The following FRMPD4 variants were observed in gnomAD, a reference collection of about 807,000 sequenced individuals.
The protein encoded by FRMPD4 is FERM and PDZ domain-containing protein 4.
A neutral mutation model predicts 94.1 loss-of-function variants in FRMPD4; 22 were observed. The observed-to-expected ratio is 0.23, with a 90% CI of 0.17 to 0.33. The LOEUF (loss-of-function observed/expected upper bound fraction) is 0.33. Ranked by LOEUF, FRMPD4 falls within the 10% of genes least tolerant of loss-of-function variation. The pLI is 1.00. For missense variants in FRMPD4, 1,111 were observed against 1,339.9 expected (o/e 0.83, Z 2.67); for synonymous variants, 631 against 548.6 (o/e 1.15, Z -2.10).
At chrX:12,165,271 C>T (rs770163264) in intron 1 of FRMPD4, among the ~76,000 whole-genome samples, 1,813 of 111,879 alleles carry the variant, frequency 0.016, 41 homozygotes, top group African/African-American at 0.054. Context: ...TACATATGGC[C>T]AGCCAGTTTT....
chrX:12,641,520 C>T (rs1176268800), intron 4 of FRMPD4, among the ~76,000 whole-genome samples: 5 of 111,800 alleles, frequency 4.5e-5, no homozygotes, highest in African/African-American at 1.3e-4. Context: ...TGGTGGTTTA[C>T]TTTTCTTGCT....
chrX:12,443,406 TG>T (rs903002263), intron 1 of FRMPD4, among the ~76,000 whole-genome samples: 2 of 112,511 alleles, frequency 1.8e-5, no homozygotes, highest in East Asian at 2.8e-4. Context: ...ATATAAGCAA[TG>T]TTTTTTTAAA....
intron 2 of FRMPD4, among the ~76,000 whole-genome samples, chrX:12,570,791 A>G (rs1227492728): frequency 9.0e-6 from 1 of 111,212 alleles, no homozygotes; most frequent in Admixed American, 9.6e-5. Flanking sequence ...TAAGCGACTT[A>G]GGGGCAGGGA....
At chrX:12,499,488 A>G (rs923824081) in intron 2 of FRMPD4, among the ~76,000 whole-genome samples, 1 of 112,223 alleles carries the variant, frequency 8.9e-6, no homozygotes, top group Admixed American at 9.4e-5. Flanking sequence ...ATGATACCCG[A>G]AAGAATCTTT....
intron 1 of FRMPD4, among the ~76,000 whole-genome samples, chrX:12,193,042 C>T (rs768930645): frequency 2.6e-4 from 29 of 111,470 alleles, no homozygotes; most frequent in Non-Finnish European, 3.2e-4. Context: ...AAATAGAGTG[C>T]GCAACTTCCT....
chrX:12,361,085 A>G (rs2055982527), intron 1 of FRMPD4, among the ~76,000 whole-genome samples: 1 of 111,805 alleles, frequency 8.9e-6, no homozygotes, highest in Non-Finnish European at 1.9e-5. Context: ...GTCATTAGAG[A>G]AGATGAAATT....
intron 1 of FRMPD4, among the ~76,000 whole-genome samples, chrX:12,416,308 A>G (rs2056800378): frequency 9.0e-6 from 1 of 111,146 alleles, no homozygotes; most frequent in African/African-American, 3.3e-5. Context: ...TCCTTAAAGG[A>G]AAGTTTGTTC....
chrX:12,621,992 A>T (rs904785842), intron 4 of FRMPD4, among the ~76,000 whole-genome samples: 1 of 42,089 alleles, frequency 2.4e-5, no homozygotes, highest in East Asian at 6.2e-4. Flanking sequence ...GAAAGAAAGA[A>T]AGAAAGAAAG....
At chrX:12,501,039 C>T (rs62590646) in intron 2 of FRMPD4, among the ~76,000 whole-genome samples, 21,207 of 111,605 alleles carry the variant, frequency 0.19, 2,025 homozygotes, top group Non-Finnish European at 0.29. Context: ...GTCATTCCAT[C>T]AATAGGTGGA....
intron 3 of FRMPD4, among the ~76,000 whole-genome samples, chrX:11,988,405 A>G (rs1451410574): frequency 8.9e-6 from 1 of 112,261 alleles, no homozygotes; most frequent in Non-Finnish European, 1.9e-5. Flanking sequence ...ATGAAACTAT[A>G]CTGCTATCTC....
chrX:12,214,935 T>C (rs1369565475), intron 1 of FRMPD4, among the ~76,000 whole-genome samples: 1 of 112,203 alleles, frequency 8.9e-6, no homozygotes, highest in Non-Finnish European at 1.9e-5. Flanking sequence ...ATGAAACATG[T>C]AATTGGTAAT....
chrX:12,598,764 C>T (rs1428765497), intron 2 of FRMPD4, among the ~76,000 whole-genome samples: 2 of 112,343 alleles, frequency 1.8e-5, no homozygotes, highest in Non-Finnish European at 3.8e-5. Flanking sequence ...TTAATTAAAA[C>T]AACTGTTAGC....
In FRMPD4 at chrX:11,964,158, TG is replaced by T. The variant is rs771802638; in HGVS notation, c.95+86141del. On this transcript the variant is annotated intron_variant, in intron 3 of 18. Transcript: ENST00000640291. ...GATTGGGATTCAGTGCTTTTTTTGT[TG>T]TTGTTGTTGTTGTTGTTTGAGACAG... Among the ~76,000 whole-genome samples the T allele has an allele frequency of 7.7e-3, 824 of 106,565 alleles. 4 individuals carry two copies. Among genetic ancestry groups the T allele is most frequent in the African/African-American group, 0.027 (792 of 29,170 alleles). The allele number at this position is 106,565 out of a possible 115,157, so 92.5% of individuals were successfully genotyped here.
intron 3 of FRMPD4, among the ~76,000 whole-genome samples, chrX:11,888,526 T>G (rs945668842): frequency 6.2e-5 from 7 of 112,153 alleles, no homozygotes; most frequent in African/African-American, 2.3e-4. Context: ...TCAATAGGGC[T>G]GTTTCATTTT....
At chrX:11,976,154 C>T (rs1037168422) in intron 3 of FRMPD4, among the ~76,000 whole-genome samples, 10 of 111,488 alleles carry the variant, frequency 9.0e-5, no homozygotes, top group African/African-American at 3.3e-4. Flanking sequence ...TCCCGTTAAT[C>T]CTGGATTTCC....
At chrX:12,164,804 G>A (rs766409958) in intron 1 of FRMPD4, among the ~76,000 whole-genome samples, 1 of 112,697 alleles carries the variant, frequency 8.9e-6, no homozygotes, top group African/African-American at 3.2e-5. Context: ...GGCCAGTGAT[G>A]ACAAGCATTT....
intron 1 of FRMPD4, among the ~76,000 whole-genome samples, chrX:12,476,332 G>T (rs1460393746): frequency 9.8e-5 from 11 of 111,779 alleles, no homozygotes; most frequent in African/African-American, 2.9e-4. Context: ...ATTAAAGACT[G>T]AAATGTTAGA....
chrX:12,395,975 A>G, intron 1 of FRMPD4: 1 of 170,273 alleles, frequency 5.9e-6, no homozygotes, highest in Non-Finnish European at 1.2e-5. Context: ...GTTCGATGCT[A>G]TTCTCTGCAT....
chrX:12,577,899 T>C (rs1466406135), intron 2 of FRMPD4, among the ~76,000 whole-genome samples: 1 of 112,251 alleles, frequency 8.9e-6, no homozygotes, highest in Non-Finnish European at 1.9e-5. Flanking sequence ...ATACCAACGA[T>C]TGGGTGGCTT....
Sources: gnomAD v4.1 joint callset for allele counts (sites outside exome capture counted in the v4.1 genomes callset) on GRCh38, gnomAD v4.1.1 for gene constraint, MANE v1.5 for transcripts, NCBI Gene and HGNC (gene_info 2026-07-23, HGNC 2026-07-21) for gene names.